The following KLHL3 variants were observed in gnomAD, a reference collection of about 807,000 sequenced individuals.
KLHL3 encodes the protein kelch-like protein 3.
KLHL3 carries 19 observed loss-of-function variants against 70.5 expected under a neutral mutation model. The observed-to-expected ratio is 0.27, with a 90% confidence interval of 0.19 to 0.40. The LOEUF (loss-of-function observed/expected upper bound fraction) is 0.40, where lower values mean the gene tolerates loss of function less well. Among genes scored for constraint, KLHL3 ranks in the 10% least tolerant of loss-of-function variants. The pLI is 1.00. For synonymous variants in KLHL3, 258 were observed against 290.3 expected (o/e 0.89, Z 1.13); for missense variants, 512 against 771.1 (o/e 0.66, Z 3.98).
In KLHL3 at chr5:137,624,652, A is replaced by C. The variant is rs147465646; in HGVS notation, c.1735+1101T>G. ...ATAATGCAAAATGGGAATCGGAAGA[A>C]TATTCCTGGAGTCGTGGTATGGATT... On this transcript the variant is annotated intron_variant, in intron 14 of 14. Coordinates refer to ENST00000309755, the MANE Select transcript of KLHL3 (RefSeq NM_017415.3). 1.4e-3 allele frequency among the ~76,000 whole-genome samples: 211 copies of C among 152,352 alleles called. 5 individuals are homozygous for C. In the Middle Eastern group the frequency reaches 0.02, roughly 15 times the overall value.
intron 5 of KLHL3, among the ~76,000 whole-genome samples, chr5:137,684,230 C>A (rs1752108319): frequency 6.6e-6 from 1 of 152,202 alleles, no homozygotes; most frequent in South Asian, 2.1e-4. Flanking sequence ...CTTAAATGAA[C>A]AAAATGAGGC....
chr5:137,638,552 T>A (rs1371173250), intron 10 of KLHL3, among the ~76,000 whole-genome samples: 1 of 152,188 alleles, frequency 6.6e-6, no homozygotes, highest in Non-Finnish European at 1.5e-5. Context: ...ATGGGCAGCC[T>A]GGCCCACTGC....
chr5:137,715,409 A>G (rs1752874657), intron 2 of KLHL3, among the ~76,000 whole-genome samples: 1 of 152,200 alleles, frequency 6.6e-6, no homozygotes, highest in South Asian at 2.1e-4. Context: ...AGGCCTCCAT[A>G]AGTATACCCA....
intron 8 of KLHL3, among the ~76,000 whole-genome samples, chr5:137,647,400 C>T (rs1489342193): frequency 6.6e-6 from 1 of 152,100 alleles, no homozygotes; most frequent in East Asian, 1.9e-4. Context: ...ATAGAGATTT[C>T]CAGCCTACGT....
intron 2 of KLHL3, among the ~76,000 whole-genome samples, chr5:137,715,607 T>C (rs1036656248): frequency 1.3e-5 from 2 of 152,210 alleles, no homozygotes; most frequent in African/African-American, 4.8e-5. Flanking sequence ...AGTCCTCTTA[T>C]CTCCTGCCAT....
At chr5:137,630,312 CAGT>C (rs1478878224) in intron 12 of KLHL3, among the ~76,000 whole-genome samples, 1 of 152,176 alleles carries the variant, frequency 6.6e-6, no homozygotes, top group Non-Finnish European at 1.5e-5. Flanking sequence ...CCAGGTCCTC[CAGT>C]GTAGGTAAGA....
At chr5:137,654,059 G>C (rs1751278428) in intron 8 of KLHL3, among the ~76,000 whole-genome samples, 1 of 152,232 alleles carries the variant, frequency 6.6e-6, no homozygotes, top group Non-Finnish European at 1.5e-5. Context: ...CATAGGGACA[G>C]AAATCAGATC....
intron 8 of KLHL3, among the ~76,000 whole-genome samples, chr5:137,641,075 T>C (rs1005402434): frequency 2.6e-5 from 4 of 152,224 alleles, no homozygotes; most frequent in African/African-American, 7.2e-5. Context: ...TTTGGTCACA[T>C]GTTATTAATA....
chr5:137,683,989 G>A (rs1163068278), intron 5 of KLHL3, among the ~76,000 whole-genome samples: 1 of 152,162 alleles, frequency 6.6e-6, no homozygotes, highest in African/African-American at 2.4e-5. Flanking sequence ...ATTAGATGCA[G>A]AAAATCCAAG....
At chr5:137,704,757 G>A (rs888496235) in intron 3 of KLHL3, among the ~76,000 whole-genome samples, 31 of 152,180 alleles carry the variant, frequency 2.0e-4, no homozygotes, top group African/African-American at 7.5e-4. Flanking sequence ...TCCTGCTCAA[G>A]AAACTTGCCA....
chr5:137,725,270 C>CAA (rs1753068156), intron 1 of KLHL3, among the ~76,000 whole-genome samples: 1 of 151,552 alleles, frequency 6.6e-6, no homozygotes, highest in African/African-American at 2.4e-5. Context: ...CAGCCAAAAT[C>CAA]ACACACACAC....
chr5:137,669,084 C>A (rs1751686166), intron 6 of KLHL3, among the ~76,000 whole-genome samples: 1 of 152,022 alleles, frequency 6.6e-6, no homozygotes, highest in Non-Finnish European at 1.5e-5. Context: ...TAGTCATTTG[C>A]AAAAGGAGAA....
At chr5:137,648,101 C>T (rs949027230) in intron 8 of KLHL3, among the ~76,000 whole-genome samples, 1 of 152,168 alleles carries the variant, frequency 6.6e-6, no homozygotes, top group Non-Finnish European at 1.5e-5. Context: ...AAAACAGATT[C>T]CCAATGAAAG....
At chr5:137,704,904 A>G (rs1055435685) in intron 3 of KLHL3, among the ~76,000 whole-genome samples, 4 of 152,218 alleles carry the variant, frequency 2.6e-5, no homozygotes, top group African/African-American at 9.6e-5. Context: ...AAGAAGCCCT[A>G]TGTCACTGTC....
intron 1 of KLHL3, among the ~76,000 whole-genome samples, chr5:137,725,551 T>C (rs763871134): frequency 2.6e-5 from 4 of 152,218 alleles, no homozygotes; most frequent in Non-Finnish European, 5.9e-5. Context: ...TGAGCAGCCA[T>C]ATTTAAGATT....
chr5:137,672,631 A>G (rs1003579349), intron 6 of KLHL3: 1 of 152,212 alleles, frequency 6.6e-6, no homozygotes, highest in African/African-American at 2.4e-5. Context: ...GTTTCATAAG[A>G]AGGCAAGAGA....
At chr5:137,730,056 G>A (rs1171449225) in intron 1 of KLHL3, among the ~76,000 whole-genome samples, 1 of 152,182 alleles carries the variant, frequency 6.6e-6, no homozygotes, top group Non-Finnish European at 1.5e-5. Flanking sequence ...CCTGAAAGTT[G>A]AGGGTATGTT....
chr5:137,690,712 A>G (rs2905600), intron 5 of KLHL3, among the ~76,000 whole-genome samples: 118,836 of 152,096 alleles, frequency 0.78, 46,657 homozygotes, highest in East Asian at 0.98. Flanking sequence ...AATCAGAGAG[A>G]AAAAGCATGC....
chr5:137,723,809 A>G (rs767135416), intron 1 of KLHL3, among the ~76,000 whole-genome samples: 6 of 152,234 alleles, frequency 3.9e-5, no homozygotes, highest in Non-Finnish European at 7.3e-5. Flanking sequence ...CTGCTTTCAA[A>G]GATGTTTCTA....
Sources: allele counts gnomAD v4.1 joint callset (sites outside exome capture counted in the v4.1 genomes callset), GRCh38; gene constraint gnomAD v4.1.1; transcripts MANE v1.5; gene names NCBI Gene and HGNC (gene_info 2026-07-23, HGNC 2026-07-21).